The following ZNF804B variants were observed in gnomAD, a reference collection of about 807,000 sequenced individuals.
ZNF804B encodes zinc finger 804B.
In ZNF804B, 80 loss-of-function variants were observed where a neutral mutation model predicts 101.4. That is an observed-to-expected ratio of 0.79 (90% CI 0.66 to 0.95). The LOEUF (loss-of-function observed/expected upper bound fraction) is 0.95, where lower values mean the gene tolerates loss of function less well. ZNF804B is among the 40% of genes least tolerant of loss of function. The pLI is 0.00. For synonymous variants in ZNF804B, 622 were observed against 558.8 expected (o/e 1.11, Z -1.59); for missense variants, 1,673 against 1,561.9 (o/e 1.07, Z -1.20).
intron 2 of ZNF804B, among the ~76,000 whole-genome samples, chr7:89,224,750 G>A (rs1244528232): frequency 7.3e-5 from 7 of 95,626 alleles, no homozygotes; most frequent in African/African-American, 1.9e-4. Flanking sequence ...GTGTGTGTGT[G>A]TATGAGTGTG....
intron 1 of ZNF804B, among the ~76,000 whole-genome samples, chr7:88,972,815 A>G (rs1793557144): frequency 6.6e-6 from 1 of 151,386 alleles, no homozygotes; most frequent in South Asian, 2.1e-4. Context: ...CCTTTAAGTC[A>G]AAAATAGAAG....
At chr7:89,288,121 GA>G (rs1459138019) in intron 2 of ZNF804B, among the ~76,000 whole-genome samples, 7 of 151,724 alleles carry the variant, frequency 4.6e-5, no homozygotes, top group African/African-American at 9.7e-5. Flanking sequence ...GTTGAAAAAA[GA>G]AAAATATGAG....
chr7:89,090,183 C>G lies in ZNF804B; in HGVS notation c.109-127972C>G, dbSNP rs188383838. Among the ~76,000 whole-genome samples the G allele has an allele frequency of 1.4e-3, 210 of 152,080 alleles. 2 individuals are homozygous for G. Among genetic ancestry groups the G allele is most frequent in the Middle Eastern group, 0.014 (4 of 294 alleles). On this transcript the variant is annotated intron_variant, in intron 1 of 3. Coordinates refer to ENST00000333190, the MANE Select transcript of ZNF804B (RefSeq NM_181646.5). ...TGTACTGAACATTTCTCATCACATC[C>G]TCAATATTTAAATACAAAGAATAAA...
At chr7:88,763,770 GA>G (rs1789936479) in intron 1 of ZNF804B, among the ~76,000 whole-genome samples, 1 of 151,944 alleles carries the variant, frequency 6.6e-6, no homozygotes, top group African/African-American at 2.4e-5. Flanking sequence ...TAGATAGATA[GA>G]TAGATAGATA....
intron 1 of ZNF804B, among the ~76,000 whole-genome samples, chr7:89,143,669 CT>C (rs1790748544): frequency 1.3e-5 from 2 of 151,832 alleles, no homozygotes; most frequent in African/African-American, 4.8e-5. Flanking sequence ...GATGTTTGTT[CT>C]TGCTTTAGTT....
At chr7:89,107,605 A>G (rs1462235850) in intron 1 of ZNF804B, among the ~76,000 whole-genome samples, 1 of 152,120 alleles carries the variant, frequency 6.6e-6, no homozygotes, top group Non-Finnish European at 1.5e-5. Flanking sequence ...AAAAACCAGC[A>G]TTTCTCTTCC....
chr7:89,161,434 G>C (rs1791060378), intron 1 of ZNF804B, among the ~76,000 whole-genome samples: 1 of 146,118 alleles, frequency 6.8e-6, no homozygotes, highest in Non-Finnish European at 1.5e-5. Context: ...TGAAATAATG[G>C]CTTATGTAAT....
chr7:89,244,689 T>C (rs1789417173), intron 2 of ZNF804B, among the ~76,000 whole-genome samples: 1 of 152,096 alleles, frequency 6.6e-6, no homozygotes, highest in Non-Finnish European at 1.5e-5. Flanking sequence ...GCCCAAGCTA[T>C]AGAGTCTAAG....
At chr7:89,261,768 A>C (rs1458012665) in intron 2 of ZNF804B, among the ~76,000 whole-genome samples, 1 of 152,178 alleles carries the variant, frequency 6.6e-6, no homozygotes, top group East Asian at 1.9e-4. Flanking sequence ...ACATATCTAA[A>C]TGTTGATTAT....
At chr7:89,270,419 G>A (rs1486189621) in intron 2 of ZNF804B, among the ~76,000 whole-genome samples, 1 of 152,060 alleles carries the variant, frequency 6.6e-6, no homozygotes, top group African/African-American at 2.4e-5. Flanking sequence ...TGTCCCATTG[G>A]TCTATATTTC....
rs750303766 is a variant in ZNF804B at position 89,148,735 on chromosome 7, A to G, written c.109-69420A>G. ...AGAATTTTTAAAAATCCCAGTCCACAAACCATCATGTCAGAGAGACAATAC... is the reference window on the plus strand; with the variant it reads ...AGAATTTTTAAAAATCCCAGTCCACGAACCATCATGTCAGAGAGACAATAC... On this transcript the variant is annotated intron_variant, in intron 1 of 3. Coordinates refer to ENST00000333190, the MANE Select transcript of ZNF804B (RefSeq NM_181646.5). 9.2e-5 allele frequency among the ~76,000 whole-genome samples: 14 copies of G among 152,092 alleles called. 1 individual carries two copies. The highest frequency in any genetic ancestry group is 1.6e-4 in the Non-Finnish European group (11 of 68,010).
At chr7:89,212,079 C>A (rs1788813421) in intron 1 of ZNF804B, among the ~76,000 whole-genome samples, 1 of 152,016 alleles carries the variant, frequency 6.6e-6, no homozygotes, top group East Asian at 1.9e-4. Context: ...TAGCTGTATT[C>A]CTAGGTATTT....
intron 1 of ZNF804B, among the ~76,000 whole-genome samples, chr7:89,158,394 C>T (rs1791008370): frequency 6.6e-6 from 1 of 152,228 alleles, no homozygotes; most frequent in Admixed American, 6.5e-5. Flanking sequence ...CACACCCATT[C>T]CCTGACCATA....
At chr7:89,212,181 T>G (rs1330606466) in intron 1 of ZNF804B, among the ~76,000 whole-genome samples, 2 of 151,878 alleles carry the variant, frequency 1.3e-5, no homozygotes, top group Non-Finnish European at 2.9e-5. Flanking sequence ...CATCAGGAAT[T>G]TGCTTTGTAG....
intron 3 of ZNF804B, among the ~76,000 whole-genome samples, chr7:89,333,040 C>A (rs1412888509): frequency 6.6e-6 from 1 of 151,848 alleles, no homozygotes; most frequent in African/African-American, 2.4e-5. Context: ...TTAGTGAAAT[C>A]ATGTTAAATC....
At chr7:88,781,414 C>A (rs1277309675) in intron 1 of ZNF804B, among the ~76,000 whole-genome samples, 1 of 152,098 alleles carries the variant, frequency 6.6e-6, no homozygotes, top group African/African-American at 2.4e-5. Flanking sequence ...CCTACTGACT[C>A]CTTGTTGTAG....
chr7:89,040,705 G>A (rs1278827393), intron 1 of ZNF804B, among the ~76,000 whole-genome samples: 3 of 152,062 alleles, frequency 2.0e-5, no homozygotes, highest in African/African-American at 7.2e-5. Context: ...GACTTGCATT[G>A]GTGTCTGTGG....
intron 1 of ZNF804B, among the ~76,000 whole-genome samples, chr7:88,952,731 T>C (rs1421337148): frequency 2.0e-5 from 3 of 151,834 alleles, no homozygotes; most frequent in South Asian, 4.1e-4. Flanking sequence ...ATAATTCCCA[T>C]AGATGCCTTT....
At chr7:88,769,097 G>T (rs1400677852) in intron 1 of ZNF804B, among the ~76,000 whole-genome samples, 1 of 152,172 alleles carries the variant, frequency 6.6e-6, no homozygotes, top group Non-Finnish European at 1.5e-5. Flanking sequence ...TGATGTTGTA[G>T]TGGGGGAAAA....
Sources: gnomAD v4.1 joint callset for allele counts (sites outside exome capture counted in the v4.1 genomes callset) on GRCh38, gnomAD v4.1.1 for gene constraint, MANE v1.5 for transcripts, NCBI Gene and HGNC (gene_info 2026-07-23, HGNC 2026-07-21) for gene names.